The following AFAP1L2 variants were observed in gnomAD, a reference collection of about 807,000 sequenced individuals.
The protein encoded by AFAP1L2 is actin filament-associated protein 1-like 2.
AFAP1L2 carries 46 observed loss-of-function variants against 99.3 expected under a neutral mutation model. The observed-to-expected ratio is 0.46, with a 90% confidence interval of 0.37 to 0.59. AFAP1L2 has a LOEUF of 0.59. Among genes scored for constraint, AFAP1L2 ranks in the 20% least tolerant of loss-of-function variants. The pLI is 0.00. For missense variants in AFAP1L2, 959 were observed against 1,034.9 expected, an observed-to-expected ratio of 0.93 and a Z score of 1.01; for synonymous variants, 397 against 419.1, an observed-to-expected ratio of 0.95 and a Z score of 0.64.
chr10:114,384,218 T>C (rs1295639470), intron 1 of AFAP1L2, among the ~76,000 whole-genome samples: 2 of 152,132 alleles, frequency 1.3e-5, no homozygotes, highest in Non-Finnish European at 2.9e-5. Context: ...TCAGGACCTT[T>C]CTTGGCAGCC....
Position 114,297,244 on chromosome 10 carries a change from G to T in AFAP1L2, c.2283C>A (p.Thr761=). 1 of 1,613,942 alleles carries T rather than the reference G, an allele frequency of 6.2e-7. No individual in the cohort carries two copies. Among genetic ancestry groups the T allele is most frequent in the Non-Finnish European group, 8.5e-7 (1 of 1,179,976 alleles). The part of the protein sequence containing the change: ...PVTLGTTVDT[T]HLENVSPRPK... ...CGCGGGGGCTCACATTCTCCAGGTG[G>T]GTGGTGTCCACGGTGGTGCCTAACG... Residue 761 remains threonine, a synonymous_variant, in exon 17 of 19, where the codon ACC becomes ACA. Transcript: ENST00000304129.
intron 5 of AFAP1L2, among the ~76,000 whole-genome samples, chr10:114,319,187 C>A (rs1384530635): frequency 1.3e-5 from 2 of 152,060 alleles, no homozygotes; most frequent in African/African-American, 4.8e-5. Context: ...GTATGATATT[C>A]TTAAAACAGA....
At chr10:114,285,503 G>A in the AFAP1L2 span, among the ~76,000 whole-genome samples, 1 of 152,228 alleles carries the variant, frequency 6.6e-6, no homozygotes, top group African/African-American at 2.4e-5. Flanking sequence ...GTTAGTTGAA[G>A]ATCTGTATGA....
chr10:114,321,554 T>C (rs1407112397), intron 5 of AFAP1L2, among the ~76,000 whole-genome samples: 1 of 152,232 alleles, frequency 6.6e-6, no homozygotes, highest in Non-Finnish European at 1.5e-5. Context: ...CTGCTCTTTA[T>C]GGAACCAACA....
intron 1 of AFAP1L2, among the ~76,000 whole-genome samples, chr10:114,356,349 C>T (rs1236872583): frequency 6.6e-6 from 1 of 152,146 alleles, no homozygotes; most frequent in Non-Finnish European, 1.5e-5. Context: ...TTTGTGCCTG[C>T]TTTCCAAAAA....
chr10:114,292,439 C>T (rs7919577), downstream of AFAP1L2, among the ~76,000 whole-genome samples: 6,405 of 151,682 alleles, frequency 0.042, 448 homozygotes, highest in African/African-American at 0.15. Flanking sequence ...ATTGATCTTA[C>T]GCTGTCTAGG....
At chr10:114,337,372 A>G (rs939662559) in intron 2 of AFAP1L2, among the ~76,000 whole-genome samples, 2 of 152,226 alleles carry the variant, frequency 1.3e-5, no homozygotes, top group Non-Finnish European at 2.9e-5. Flanking sequence ...TACACAATAA[A>G]TGTTGGCTGC....
chr10:114,295,856 T>TATTA lies in AFAP1L2; in HGVS notation c.*182_*185dup, dbSNP rs10633998. On this transcript the variant is annotated 3_prime_UTR_variant, in exon 19 of 19. Transcript: ENST00000304129. ...CTCCAAAGAAGCCTCCTTTTTGTTG[T>TATTA]ATTATTTCCTTTGGCTCTGAAAAGG... The TATTA allele has an allele frequency of 4.8e-3, 6,850 of 1,437,510 alleles. 256 individuals carry two copies. The African/African-American group carries it at 0.083, about 17-fold the overall frequency. The allele number at this position is 1,437,510 out of a possible 1,614,324, so 89.0% of individuals were successfully genotyped here. A position where few individuals can be genotyped will look rare whatever the true frequency, so the allele number is the denominator to read the frequency against.
chr10:114,305,514 AG>A, intron 10 of AFAP1L2, among the ~76,000 whole-genome samples: 1 of 48,438 alleles, frequency 2.1e-5, no homozygotes, highest in African/African-American at 8.2e-5. Flanking sequence ...GAGATGCAGG[AG>A]GGGGTGCAGG....
rs778553137 is a variant in AFAP1L2, at chr10:114,351,584, C to T, written c.17-10853G>A. The stretch of plus-strand genomic sequence containing the variant: ...GGTTGGAGTCAACCGGGGGGAGGCA[C>T]GCGAGGCTGATTAGGTGCCCACTGG... On this transcript the variant is annotated intron_variant, in intron 1 of 18. Transcript: ENST00000304129. Among the ~76,000 whole-genome samples the T allele has an allele frequency of 4.5e-4, 69 of 152,278 alleles. 1 individual carries two copies. Among genetic ancestry groups the T allele is most frequent in the Middle Eastern group, 6.8e-3 (2 of 294 alleles).
intron 4 of AFAP1L2, chr10:114,326,025 C>CCTG (rs60778514): frequency 5.4e-6 from 7 of 1,288,316 alleles, no homozygotes; most frequent in South Asian, 1.2e-5. Flanking sequence ...GAGATCTGGC[C>CCTG]CAAGGTCAGG....
intron 13 of AFAP1L2, 71 bp from the exon 14 acceptor site, chr10:114,300,761 C>T: frequency 2.6e-6 from 4 of 1,516,578 alleles, no homozygotes; most frequent in African/African-American, 1.4e-5. Context: ...GGGTACCAGC[C>T]CTGCCTCACA....
chr10:114,389,460 G>A (rs1436212313), intron 1 of AFAP1L2, among the ~76,000 whole-genome samples: 1 of 152,180 alleles, frequency 6.6e-6, no homozygotes, highest in Non-Finnish European at 1.5e-5. Context: ...TCAGAGTCTA[G>A]CGATCTTGTG....
chr10:114,361,715 G>C (rs1331137875), intron 1 of AFAP1L2, among the ~76,000 whole-genome samples: 1 of 152,094 alleles, frequency 6.6e-6, no homozygotes, highest in Non-Finnish European at 1.5e-5. Flanking sequence ...TCATTTCCTT[G>C]GGAACTCACT....
intron 1 of AFAP1L2, among the ~76,000 whole-genome samples, chr10:114,366,306 GA>G (rs1390971875): frequency 6.6e-6 from 1 of 152,164 alleles, no homozygotes; most frequent in East Asian, 1.9e-4. Flanking sequence ...ATTCTGGGAA[GA>G]GGAATTCCAC....
chr10:114,299,351 CCT>C lies in AFAP1L2; in HGVS notation c.2020_2021del (p.Arg674AlafsTer2). On this transcript the variant is annotated frameshift_variant, in exon 16 of 19. Coordinates refer to ENST00000304129, the MANE Select transcript of AFAP1L2 (RefSeq NM_001001936.3). LOFTEE classifies it high-confidence loss of function. ...EVKRYTEEKE[R>X]LEKKKEEIRG... is the part of the protein sequence containing the mutation. ...GGATTTCTTCCTTCTTCTTTTCAAGCCTCTCCTTCTCCTCTGTGTACCGCTTC... is the reference window on the plus strand; with the variant it reads ...GGATTTCTTCCTTCTTCTTTTCAAGCCTCCTTCTCCTCTGTGTACCGCTTC... 6.2e-7 allele frequency: 1 copy of C among 1,614,234 alleles called. No homozygotes were observed. The highest frequency in any genetic ancestry group is 1.3e-5 in the African/African-American group (1 of 75,056).
chr10:114,292,859 C>T (rs914970837), downstream of AFAP1L2, among the ~76,000 whole-genome samples: 10 of 151,976 alleles, frequency 6.6e-5, no homozygotes, highest in Non-Finnish European at 1.2e-4. Flanking sequence ...GCAGGTGCCA[C>T]CATGCCTAGC....
chr10:114,301,493 G>T (rs376035665), intron 12 of AFAP1L2, 28 bp from the exon 13 acceptor site: 4 of 1,526,852 alleles, frequency 2.6e-6, no homozygotes, highest in Non-Finnish European at 3.6e-6. Flanking sequence ...TGGCACACAT[G>T]AAGCAGCCGG....
At chr10:114,297,150 G>GC in intron 17 of AFAP1L2, 50 bp from the exon 18 acceptor site, 10 of 1,587,874 alleles carry the variant, frequency 6.3e-6, no homozygotes, top group South Asian at 1.1e-5. Flanking sequence ...AGGGAGATGT[G>GC]ACCCACCCAC....
Sources: allele counts gnomAD v4.1 joint callset (sites outside exome capture counted in the v4.1 genomes callset), GRCh38; gene constraint gnomAD v4.1.1; transcripts MANE v1.5; gene names NCBI Gene and HGNC (gene_info 2026-07-23, HGNC 2026-07-21).